PTPRD: variants seen among roughly 807,000 people sequenced by gnomAD.
PTPRD encodes the protein receptor-type tyrosine-protein phosphatase delta.
In PTPRD, 34 loss-of-function variants were observed where a neutral mutation model predicts 214.5. That is an observed-to-expected ratio of 0.16 (90% CI 0.12 to 0.21). The LOEUF is 0.21. Among genes scored for constraint, PTPRD ranks in the 10% least tolerant of loss-of-function variants. The pLI, the probability that PTPRD is intolerant of heterozygous loss-of-function variation, is 1.00. For missense variants in PTPRD, 2,545 were observed against 2,398.7 expected (o/e 1.06, Z -1.27); for synonymous variants, 1,128 against 845.7 (o/e 1.33, Z -5.79).
intron 3 of PTPRD, among the ~76,000 whole-genome samples, chr9:10,232,231 A>C (rs896560781): frequency 6.6e-6 from 1 of 151,734 alleles, no homozygotes; most frequent in Non-Finnish European, 1.5e-5. Context: ...TTCCTTTATA[A>C]GTTTCTCCGG....
At chr9:8,721,840 C>G (rs2098502716) in intron 12 of PTPRD, among the ~76,000 whole-genome samples, 1 of 152,176 alleles carries the variant, frequency 6.6e-6, no homozygotes, top group Non-Finnish European at 1.5e-5. Context: ...ATATTTCTAA[C>G]AAAATTTCTC....
intron 3 of PTPRD, among the ~76,000 whole-genome samples, chr9:10,204,452 T>G (rs1286124882): frequency 6.6e-6 from 1 of 152,142 alleles, no homozygotes; most frequent in Non-Finnish European, 1.5e-5. Context: ...AAGGACCTCA[T>G]TCATGGCTGT....
chr9:9,894,041 T>C (rs1374142041), intron 5 of PTPRD, among the ~76,000 whole-genome samples: 1 of 152,092 alleles, frequency 6.6e-6, no homozygotes, highest in Non-Finnish European at 1.5e-5. Flanking sequence ...ATCAAACTTC[T>C]GGGTTCAAAT....
chr9:9,621,443 G>A (rs2095234177), intron 7 of PTPRD, among the ~76,000 whole-genome samples: 1 of 152,096 alleles, frequency 6.6e-6, no homozygotes. Flanking sequence ...ATGTTCCATA[G>A]AAGTTCTGTG....
intron 2 of PTPRD, among the ~76,000 whole-genome samples, chr9:10,477,508 T>C (rs181739568): frequency 8.5e-4 from 130 of 152,212 alleles, no homozygotes; most frequent in Middle Eastern, 3.4e-3. Flanking sequence ...TGTGGAGAAA[T>C]AAGAATGCTT....
At chr9:9,524,164 G>C (rs1010778741) in intron 8 of PTPRD, among the ~76,000 whole-genome samples, 6 of 152,164 alleles carry the variant, frequency 3.9e-5, no homozygotes, top group African/African-American at 1.4e-4. Context: ...CTGAGAGACA[G>C]AGAGAGACAA....
chr9:9,548,960 C>A (rs2079520681), intron 8 of PTPRD, among the ~76,000 whole-genome samples: 1 of 152,026 alleles, frequency 6.6e-6, no homozygotes, highest in South Asian at 2.1e-4. Flanking sequence ...ACAGGAAAAT[C>A]AATTTAGTTA....
chr9:9,587,220 A>G (rs1010951303), intron 7 of PTPRD, among the ~76,000 whole-genome samples: 2 of 152,102 alleles, frequency 1.3e-5, no homozygotes, highest in East Asian at 3.9e-4. Flanking sequence ...CTAAATAATA[A>G]TTATAATTGT....
At chr9:9,834,632 C>A (rs1024568580) in intron 5 of PTPRD, among the ~76,000 whole-genome samples, 36 of 152,018 alleles carry the variant, frequency 2.4e-4, no homozygotes, top group African/African-American at 8.7e-4. Context: ...AGGAGCAACC[C>A]AAAGCCTCTG....
chr9:9,799,347 A>C (rs1399425302), intron 5 of PTPRD: 5 of 152,188 alleles, frequency 3.3e-5, no homozygotes, highest in Admixed American at 3.3e-4. Context: ...ATCAAAGACC[A>C]CTGGAATTTG....
chr9:9,421,498 G>C (rs1051608760), intron 8 of PTPRD, among the ~76,000 whole-genome samples: 14 of 152,168 alleles, frequency 9.2e-5, no homozygotes, highest in African/African-American at 3.4e-4. Context: ...TGCCTCACCT[G>C]TGGTACTGCC....
chr9:9,981,963 C>T (rs1212266037), intron 4 of PTPRD, among the ~76,000 whole-genome samples: 1 of 152,074 alleles, frequency 6.6e-6, no homozygotes, highest in Non-Finnish European at 1.5e-5. Context: ...CAGGGCATGA[C>T]ACATTATTAG....
intron 14 of PTPRD, among the ~76,000 whole-genome samples, chr9:8,578,499 CAAAAACTCAGA>C (rs1192159251): frequency 6.6e-6 from 1 of 152,036 alleles, no homozygotes; most frequent in Non-Finnish European, 1.5e-5. Flanking sequence ...ACACGTGAAA[CAAAAACTCAGA>C]AAAATTCTCT....
intron 11 of PTPRD, among the ~76,000 whole-genome samples, chr9:8,790,282 T>C (rs1169724730): frequency 6.6e-6 from 1 of 152,096 alleles, no homozygotes; most frequent in Admixed American, 6.6e-5. Context: ...TTCCAAAGCA[T>C]TAAGATTACA....
chr9:8,711,585 A>G (rs956976896), intron 12 of PTPRD, among the ~76,000 whole-genome samples: 47 of 152,298 alleles, frequency 3.1e-4, no homozygotes, highest in African/African-American at 1.1e-3. Context: ...TCACGTCTCC[A>G]AGCAATAATT....
intron 3 of PTPRD, among the ~76,000 whole-genome samples, chr9:10,235,432 T>A (rs1291647367): frequency 1.3e-5 from 2 of 151,940 alleles, no homozygotes; most frequent in East Asian, 3.9e-4. Context: ...CTAAAGAGTA[T>A]AGCTAGCTGC....
intron 44 of PTPRD, 131 bp from the exon 45 acceptor site, chr9:8,320,097 G>A: frequency 1.8e-6 from 2 of 1,105,394 alleles, no homozygotes; most frequent in South Asian, 1.8e-5. Flanking sequence ...AGGAAAACAT[G>A]GTATCACATT....
intron 2 of PTPRD, among the ~76,000 whole-genome samples, chr9:10,517,050 G>A (rs754877698): frequency 6.6e-6 from 1 of 151,818 alleles, no homozygotes; most frequent in Non-Finnish European, 1.5e-5. Flanking sequence ...TGTGGATTCA[G>A]GGTCATTTGT....
intron 5 of PTPRD, among the ~76,000 whole-genome samples, chr9:9,904,762 C>A (rs2077167982): frequency 6.6e-6 from 1 of 152,038 alleles, no homozygotes; most frequent in Non-Finnish European, 1.5e-5. Context: ...TGTAATGACA[C>A]ATGCAAATTT....
Sources: allele counts gnomAD v4.1 joint callset (sites outside exome capture counted in the v4.1 genomes callset), GRCh38; gene constraint gnomAD v4.1.1; transcripts MANE v1.5; gene names NCBI Gene and HGNC (gene_info 2026-07-23, HGNC 2026-07-21).